ACSM2B: variants seen among roughly 807,000 people sequenced by gnomAD.
ACSM2B encodes the protein acyl-CoA synthetase medium chain family member 2B, also known as acyl-coenzyme A synthetase ACSM2B, mitochondrial.
Under a neutral mutation model 78.6 loss-of-function variants are expected in ACSM2B, and 58 were observed. That is an observed-to-expected ratio of 0.74 (90% CI 0.60 to 0.92). The LOEUF is 0.92. Ranked by LOEUF, ACSM2B falls within the 40% of genes least tolerant of loss-of-function variation. The pLI is 0.00. For missense variants in ACSM2B, 688 were observed against 711.2 expected (o/e 0.97, Z 0.37); for synonymous variants, 257 against 256.8 (o/e 1.00, Z -0.01).
At position 20,555,541 on chromosome 16, in the gene ACSM2B, G is replaced by C. The variant is rs1203421441; in HGVS notation, c.389-65C>G. On this transcript the variant is annotated intron_variant, in intron 3 of 13. Transcript: ENST00000329697. Reference sequence around the variant, plus strand: ...TTTCTTTGTCCCTAGAGAAGCCTGAGATAAACATCAAGCAGGGAGCAAGTG... The same window carrying C: ...TTTCTTTGTCCCTAGAGAAGCCTGACATAAACATCAAGCAGGGAGCAAGTG... 5 of 1,602,148 alleles carry C rather than the reference G, an allele frequency of 3.1e-6. No homozygotes were observed. In the East Asian group the frequency reaches 9.0e-5, roughly 29 times the overall value.
At position 20,537,185 on chromosome 16, in the gene ACSM2B, A is replaced by G; in HGVS notation, c.*73T>C. ...TTCATAAAGAATCTCATATCATCAT[A>G]GTAAGGCCAAGGGCCCAAAGGGAAA... On this transcript the variant is annotated 3_prime_UTR_variant, in exon 14 of 14. Transcript: ENST00000329697. 1 of 1,551,048 alleles carries G rather than the reference A, an allele frequency of 6.4e-7. No homozygotes were observed. Among genetic ancestry groups the G allele is most frequent in the Non-Finnish European group, 8.9e-7 (1 of 1,127,402 alleles).
At chr16:20,555,501 A>G (rs1193697322) in intron 3 of ACSM2B, 25 bp from the exon 4 acceptor site, 2 of 1,610,922 alleles carry the variant, frequency 1.2e-6, no homozygotes, top group East Asian at 4.5e-5. Flanking sequence ...AATTTAGAGA[A>G]TTGGAAAGGA....
intron 13 of ACSM2B, among the ~76,000 whole-genome samples, chr16:20,539,711 A>G (rs2014935019): frequency 6.6e-6 from 1 of 150,844 alleles, no homozygotes; most frequent in South Asian, 2.1e-4. Flanking sequence ...ACATGGCCCA[A>G]GTTGGTCCAG....
In ACSM2B at chr16:20,548,144, T is replaced by G. The variant is rs142106780; in HGVS notation, c.1016A>C (p.Glu339Ala). ...CTCCAGAGTTTCTGGAAGAAGGGAC[T>G]CCCCTCCAGCGAGGCAGTTCTGTAG... Reference protein sequence around the residue: ...PHLQNCLAGGESLLPETLENW... With the variant: ...PHLQNCLAGGASLLPETLENW... Residue 339 changes from glutamate (E) to alanine (A), a missense_variant, in exon 8 of 14, where the codon GAG (glutamate) becomes GCG (alanine). Glu to Ala is a moderately radical substitution (Grantham distance 107). Transcript: ENST00000329697. 111 of 1,614,008 alleles carry G rather than the reference T, an allele frequency of 6.9e-5. No individual in the cohort carries two copies. Among genetic ancestry groups the G allele is most frequent in the Admixed American group, 1.0e-4 (6 of 60,016 alleles).
At chr16:20,541,664 TC>T (rs2014992755) in intron 12 of ACSM2B, 1 of 141,500 alleles carries the variant, frequency 7.1e-6, no homozygotes, top group South Asian at 2.3e-4. Flanking sequence ...TTTTTTCCTT[TC>T]TTTTTCTTTT....
At chr16:20,549,389 A>G (rs1363422223) in intron 6 of ACSM2B, among the ~76,000 whole-genome samples, 2 of 152,096 alleles carry the variant, frequency 1.3e-5, no homozygotes, top group Non-Finnish European at 2.9e-5. Context: ...GACTCTGCAG[A>G]GTCCCAAGGA....
chr16:20,565,106 C>T (rs1016993398), intron 1 of ACSM2B, among the ~76,000 whole-genome samples: 3 of 152,206 alleles, frequency 2.0e-5, no homozygotes, highest in Admixed American at 1.3e-4. Context: ...TTGTTAACAC[C>T]CATTTCCATA....
At chr16:20,567,432 T>C (rs1596736977) in intron 1 of ACSM2B, among the ~76,000 whole-genome samples, 1 of 118,856 alleles carries the variant, frequency 8.4e-6, no homozygotes, top group African/African-American at 3.4e-5. Context: ...AGTATATTAA[T>C]ATATAATATA....
Position 20,555,477 on chromosome 16 carries a change from C to G in ACSM2B, c.389-1G>C, listed in dbSNP as rs1383375446. The G allele has an allele frequency of 4.3e-6, 7 of 1,611,622 alleles. No individual in the cohort carries two copies. In the Admixed American group the frequency reaches 6.7e-5, roughly 15 times the overall value. On this transcript the variant is annotated splice_acceptor_variant, in intron 3 of 13. Transcript: ENST00000329697. LOFTEE classifies it high-confidence loss of function. The stretch of plus-strand genomic sequence containing the variant: ...ATGGTTCCAGGCATAAAGATGAGAC[C>G]TAAAGAAGCCAACAATTTAGAGAAT...
chr16:20,546,467 G>C lies in ACSM2B; in HGVS notation c.1106C>G (p.Thr369Ser). 2 of 1,602,760 alleles carry C rather than the reference G, an allele frequency of 1.2e-6. No homozygotes were observed. The highest frequency in any genetic ancestry group is 4.5e-5 in the East Asian group (2 of 44,768). ...TTTCATTGTCTTGGAAACCATGCAA[G>C]TTAATCCCTGTGGAAAGAAGCAGAC... The part of the protein sequence containing the change: ...EFYGQTETGL[T>S]CMVSKTMKIK... The change falls in exon 9 of 14, where the codon ACT becomes AGT. Residue 369 changes from threonine (T) to serine (S), a missense_variant. By Grantham distance (58) the Thr-to-Ser change is moderately conservative. Transcript: ENST00000329697.
chr16:20,574,803 A>G (rs1006823193), intron 1 of ACSM2B, among the ~76,000 whole-genome samples: 17 of 151,056 alleles, frequency 1.1e-4, no homozygotes, highest in African/African-American at 4.2e-4. Flanking sequence ...ACAGGAGATT[A>G]GACTCTCACT....
intron 9 of ACSM2B, 56 bp from the exon 10 acceptor site, chr16:20,545,314 G>A: frequency 6.4e-7 from 1 of 1,573,352 alleles, no homozygotes. Context: ...TGGCTTCAAT[G>A]GCAGCAGGAG....
chr16:20,566,616 GTA>G (rs1319641302), intron 1 of ACSM2B, among the ~76,000 whole-genome samples: 5 of 40,808 alleles, frequency 1.2e-4, no homozygotes, highest in African/African-American at 2.0e-4. Context: ...TCTACATATA[GTA>G]TATATACTAT....
chr16:20,539,097 A>G (rs985665264), intron 13 of ACSM2B, among the ~76,000 whole-genome samples: 5 of 150,900 alleles, frequency 3.3e-5, no homozygotes, highest in African/African-American at 1.2e-4. Flanking sequence ...GAAAGGTTAT[A>G]CTAGCTCCAG....
rs1567218184 is a variant in ACSM2B, at chr16:20,566,660, G to GTATATATATAC, written c.-8-1808_-8-1807insGTATATATATA. Among the ~76,000 whole-genome samples the GTATATATATAC allele has an allele frequency of 3.3e-3, 23 of 6,962 alleles. 2 individuals are homozygous for GTATATATATAC. The highest frequency in any genetic ancestry group is 0.011 in the Admixed American group (3 of 264). 4.6% of individuals were successfully genotyped at this position (6,962 alleles called of 152,430 possible). On this transcript the variant is annotated intron_variant, in intron 1 of 13. Coordinates refer to ENST00000329697, the MANE Select transcript of ACSM2B (RefSeq NM_001105069.2). ...TATATATATACTATACTATATATAT[G>GTATATATATAC]TATATATAGTATATACATATAGTAT...
chr16:20,546,818 A>G (rs1567207542), intron 8 of ACSM2B: 1 of 216,702 alleles, frequency 4.6e-6, no homozygotes, highest in Non-Finnish European at 8.7e-6. Flanking sequence ...GCAATCTGTA[A>G]GACCTAAAAT....
At chr16:20,544,799 C>T (rs756714242) in intron 10 of ACSM2B, 56 of 996,144 alleles carry the variant, frequency 5.6e-5, no homozygotes, top group East Asian at 2.1e-4. Context: ...AGAAGATCAA[C>T]GGCATAGATC....
intron 8 of ACSM2B, 114 bp downstream of exon 8, chr16:20,547,948 T>A: frequency 6.4e-7 from 1 of 1,552,914 alleles, no homozygotes; most frequent in Non-Finnish European, 8.7e-7. Context: ...AGAGGCTCAA[T>A]AAATATTTCT....
At chr16:20,557,079 G>A (rs770469971) in intron 3 of ACSM2B, among the ~76,000 whole-genome samples, 2 of 152,054 alleles carry the variant, frequency 1.3e-5, no homozygotes, top group Non-Finnish European at 2.9e-5. Context: ...ACGGCAGTTT[G>A]TGAAAGAGGT....
Sources: gnomAD v4.1 joint callset for allele counts (sites outside exome capture counted in the v4.1 genomes callset) on GRCh38, gnomAD v4.1.1 for gene constraint, MANE v1.5 for transcripts, NCBI Gene and HGNC (gene_info 2026-07-23, HGNC 2026-07-21) for gene names.